CSMD3: variants seen among roughly 807,000 people sequenced by gnomAD.
The protein encoded by CSMD3 is CUB and sushi domain-containing protein 3.
Under a neutral mutation model 435.2 loss-of-function variants are expected in CSMD3, and 177 were observed. The observed-to-expected ratio is 0.41, with a 90% CI of 0.36 to 0.46. The LOEUF (loss-of-function observed/expected upper bound fraction) is 0.46. Among genes scored for constraint, CSMD3 ranks in the 20% least tolerant of loss-of-function variants. The pLI, the probability that CSMD3 is intolerant of heterozygous loss-of-function variation, is 0.34. For missense variants in CSMD3, 4,265 were observed against 4,504.6 expected, an observed-to-expected ratio of 0.95 and a Z score of 1.52; for synonymous variants, 1,656 against 1,520.5, an observed-to-expected ratio of 1.09 and a Z score of -2.07.
At chr8:112,884,669 G>A (rs2081541445) in intron 10 of CSMD3, among the ~76,000 whole-genome samples, 1 of 151,454 alleles carries the variant, frequency 6.6e-6, no homozygotes, top group Non-Finnish European at 1.5e-5. Flanking sequence ...TAATTTAGGG[G>A]GACATCTTTT....
intron 32 of CSMD3, among the ~76,000 whole-genome samples, chr8:112,441,244 C>T (rs1814980332): frequency 6.6e-6 from 1 of 152,154 alleles, no homozygotes; most frequent in South Asian, 2.1e-4. Context: ...GTCACCTTTG[C>T]TCCCGTTCCC....
intron 54 of CSMD3, among the ~76,000 whole-genome samples, chr8:112,293,698 C>A (rs1176468062): frequency 1.3e-5 from 2 of 152,026 alleles, no homozygotes; most frequent in Admixed American, 6.6e-5. Context: ...TGGCTTTCCC[C>A]AAACACTATT....
At chr8:113,398,737 C>T (rs187702044) in intron 1 of CSMD3, among the ~76,000 whole-genome samples, 2 of 152,158 alleles carry the variant, frequency 1.3e-5, no homozygotes, top group Admixed American at 1.3e-4. Context: ...AACTTTGTGT[C>T]CCTACAGCAC....
intron 5 of CSMD3, among the ~76,000 whole-genome samples, chr8:113,087,208 T>C (rs1450680043): frequency 6.6e-6 from 1 of 152,224 alleles, no homozygotes; most frequent in Admixed American, 6.5e-5. Context: ...ATCTTTTTTA[T>C]GAATCCACCA....
chr8:112,337,596 G>A lies in CSMD3; in HGVS notation c.6788C>T (p.Thr2263Ile), dbSNP rs2130965353. 1 of 1,613,872 alleles carries A rather than the reference G, an allele frequency of 6.2e-7. No homozygotes were observed. Among genetic ancestry groups the A allele is most frequent in the Non-Finnish European group, 8.5e-7 (1 of 1,179,768 alleles). The change falls in exon 43 of 71, where the codon ACA (threonine) becomes ATA (isoleucine). Residue 2263 changes from threonine (T) to isoleucine (I), a missense_variant. Thr to Ile is a moderately conservative substitution (Grantham distance 89). Around this residue, in one of 3 missense-constraint regions of CSMD3, gnomAD observed 3,255 missense variants for 3,380.2 expected, o/e 0.96. Transcript: ENST00000297405. ...ATTACGACTGACTCCGTGAAGGCAT[G>A]TGAGAGCTGAATTTCCAATTAATGT... The part of the protein sequence containing the change: ...GYTLIGNSAL[T>I]CLHGVSRNWN...
chr8:113,036,207 T>C (rs1212108324), intron 5 of CSMD3, among the ~76,000 whole-genome samples: 1 of 152,004 alleles, frequency 6.6e-6, no homozygotes, highest in Admixed American at 6.6e-5. Flanking sequence ...TTGAGGGTTA[T>C]TGCAATTAAA....
chr8:112,231,401 G>A, intron 69 of CSMD3, 144 bp downstream of exon 69: 1 of 672,990 alleles, frequency 1.5e-6, no homozygotes, highest in Non-Finnish European at 2.7e-6. Flanking sequence ...ATTTAAAAGG[G>A]CTATCAAAGG....
chr8:112,496,724 T>C (rs1257473234), intron 30 of CSMD3, among the ~76,000 whole-genome samples: 1 of 152,120 alleles, frequency 6.6e-6, no homozygotes, highest in Non-Finnish European at 1.5e-5. Flanking sequence ...TCTTACTTAT[T>C]TGTGGGAGCT....
chr8:113,334,982 T>A (rs1242897455), intron 1 of CSMD3, among the ~76,000 whole-genome samples: 2 of 152,106 alleles, frequency 1.3e-5, no homozygotes, highest in Non-Finnish European at 2.9e-5. Context: ...ATATCCCCAA[T>A]GTTGGAGGTG....
rs557680474 is a variant in CSMD3 at position 113,193,975 on chromosome 8, T to C, written c.515-20059A>G. On this transcript the variant is annotated intron_variant, in intron 3 of 70. Coordinates refer to ENST00000297405, the MANE Select transcript of CSMD3 (RefSeq NM_198123.2). ...TAAATTTACTTCAGTGTACACACTA[T>C]GTGTCTAAACAATAAAAAGCAACAT... is the stretch of plus-strand genomic sequence containing the variant. Among the ~76,000 whole-genome samples the C allele has an allele frequency of 4.7e-4, 71 of 151,534 alleles. 2 individuals are homozygous for C. The highest frequency in any genetic ancestry group is 2.5e-4 in the Non-Finnish European group (17 of 67,578).
intron 31 of CSMD3, among the ~76,000 whole-genome samples, chr8:112,472,925 A>G (rs1818673763): frequency 6.6e-6 from 1 of 152,228 alleles, no homozygotes; most frequent in African/African-American, 2.4e-5. Context: ...TCTCAGAAAC[A>G]AAGTATGTAA....
At chr8:112,856,170 A>G (rs548274936) in intron 11 of CSMD3, among the ~76,000 whole-genome samples, 1 of 151,974 alleles carries the variant, frequency 6.6e-6, no homozygotes, top group Admixed American at 6.6e-5. Context: ...TATTTTCATT[A>G]CTCAAATGCC....
At chr8:112,833,387 T>A in intron 11 of CSMD3, among the ~76,000 whole-genome samples, 1 of 152,148 alleles carries the variant, frequency 6.6e-6, no homozygotes, top group Middle Eastern at 3.4e-3. Flanking sequence ...AGTGGTATTT[T>A]ATCTTTATAT....
intron 27 of CSMD3, among the ~76,000 whole-genome samples, chr8:112,545,259 G>T (rs775412642): frequency 6.6e-6 from 1 of 151,854 alleles, no homozygotes; most frequent in African/African-American, 2.4e-5. Flanking sequence ...TGAGGCGGGC[G>T]GATCACAAGG....
rs1182889219 is a variant in CSMD3 at position 112,372,400 on chromosome 8, T to G, written c.6136+7952A>C. 2.0e-5 allele frequency among the ~76,000 whole-genome samples: 3 copies of G among 152,262 alleles called. No homozygotes were observed. In the East Asian group the frequency reaches 5.8e-4, roughly 29 times the overall value. On this transcript the variant is annotated intron_variant, in intron 38 of 70. Coordinates refer to ENST00000297405, the MANE Select transcript of CSMD3 (RefSeq NM_198123.2). ...GAAATGACCAAATATCTGGAAATAT[T>G]AATAAGACCAAGGTGTAGAAAGGGT...
chr8:113,348,881 A>C (rs1563730646), intron 1 of CSMD3, among the ~76,000 whole-genome samples: 1 of 152,064 alleles, frequency 6.6e-6, no homozygotes, highest in African/African-American at 2.4e-5. Context: ...ACAATATGCA[A>C]AAACTCTGTA....
chr8:112,833,459 C>T (rs1057350422), intron 11 of CSMD3, among the ~76,000 whole-genome samples: 11 of 151,960 alleles, frequency 7.2e-5, no homozygotes, highest in African/African-American at 2.4e-4. Flanking sequence ...TAACTAGGCA[C>T]TGGATAAAGC....
In CSMD3 at chr8:112,573,549, T is replaced by G. The variant is rs1829701565; in HGVS notation, c.3994A>C (p.Asn1332His). ...STSNQLWLEF[N>H]SDTEGTDEGF... ...TCATCTGTCCCTTCAGTATCGGAAT[T>G]AAATTCTAGCCAGAGTTGATTTGAA... Residue 1332 changes from asparagine (N) to histidine (H), a missense_variant, in exon 24 of 71, where the codon AAT (asparagine) becomes CAT (histidine). Physicochemically the swap from Asn to His is moderately conservative, Grantham distance 68. Around this residue, in one of 3 missense-constraint regions of CSMD3, gnomAD observed 3,255 missense variants for 3,380.2 expected, o/e 0.96. Coordinates refer to ENST00000297405, the MANE Select transcript of CSMD3 (RefSeq NM_198123.2). 19 of 1,613,556 alleles carry G rather than the reference T, an allele frequency of 1.2e-5. No homozygotes were observed. The highest frequency in any genetic ancestry group is 1.6e-5 in the Non-Finnish European group (19 of 1,179,600).
At chr8:112,842,084 A>G (rs907494224) in intron 11 of CSMD3, among the ~76,000 whole-genome samples, 2 of 151,896 alleles carry the variant, frequency 1.3e-5, no homozygotes, top group South Asian at 4.2e-4. Context: ...ACACAGGTAT[A>G]ATATCACATT....
Sources: allele counts gnomAD v4.1 joint callset (sites outside exome capture counted in the v4.1 genomes callset), GRCh38; gene constraint gnomAD v4.1.1; regional missense constraint gnomAD v4.1.1; transcripts MANE v1.5; gene names NCBI Gene and HGNC (gene_info 2026-07-23, HGNC 2026-07-21).